Variants in ZSWIM5 observed in about 807,000 individuals in gnomAD.
ZSWIM5 encodes zinc finger SWIM domain-containing protein 5.
In ZSWIM5, 55 loss-of-function variants were observed where a neutral mutation model predicts 119.6. The ratio of observed to expected loss-of-function variants is 0.46; its 90% CI spans 0.37 to 0.58. The LOEUF (loss-of-function observed/expected upper bound fraction) is 0.58. Among genes scored for constraint, ZSWIM5 ranks in the 20% least tolerant of loss-of-function variants. The pLI is 0.00. For synonymous variants in ZSWIM5, 537 were observed against 606.9 expected (o/e 0.88, Z 1.69); for missense variants, 1,193 against 1,512.8 (o/e 0.79, Z 3.51).
intron 1 of ZSWIM5, among the ~76,000 whole-genome samples, chr1:45,199,355 G>A (rs61789777): frequency 0.073 from 10,947 of 150,812 alleles, 488 homozygotes; most frequent in Non-Finnish European, 0.1. Context: ...CTGGAGTGCA[G>A]TGGCACGATC....
At chr1:45,153,404 G>A (rs1207630091) in intron 1 of ZSWIM5, among the ~76,000 whole-genome samples, 1 of 151,712 alleles carries the variant, frequency 6.6e-6, no homozygotes, top group Non-Finnish European at 1.5e-5. Flanking sequence ...TACTCAGGAG[G>A]CTGAGACATG....
intron 1 of ZSWIM5, among the ~76,000 whole-genome samples, chr1:45,140,661 T>A (rs1213862803): frequency 6.6e-6 from 1 of 152,190 alleles, no homozygotes; most frequent in African/African-American, 2.4e-5. Flanking sequence ...CAAGATCTGA[T>A]CATACACTGC....
At chr1:45,064,709 C>T (rs550350207) in intron 2 of ZSWIM5, among the ~76,000 whole-genome samples, 3 of 152,074 alleles carry the variant, frequency 2.0e-5, no homozygotes, top group Admixed American at 6.6e-5. Flanking sequence ...AAATATTTAT[C>T]GAATAAATTC....
chr1:45,158,389 A>G (rs1570161967), intron 1 of ZSWIM5, among the ~76,000 whole-genome samples: 1 of 152,070 alleles, frequency 6.6e-6, no homozygotes, highest in African/African-American at 2.4e-5. Flanking sequence ...GGCTGGTCTC[A>G]AACTCCTGGC....
intron 1 of ZSWIM5, among the ~76,000 whole-genome samples, chr1:45,159,898 T>G (rs1645853171): frequency 6.6e-6 from 1 of 152,180 alleles, no homozygotes; most frequent in South Asian, 2.1e-4. Flanking sequence ...CTCTCAATTG[T>G]TAAACTGACT....
At chr1:45,171,397 C>G (rs1291855811) in intron 1 of ZSWIM5, among the ~76,000 whole-genome samples, 2 of 151,946 alleles carry the variant, frequency 1.3e-5, no homozygotes, top group Non-Finnish European at 2.9e-5. Context: ...TTCTTTGTTA[C>G]AAGGTCAGAA....
chr1:45,193,268 T>A (rs1646102250), intron 1 of ZSWIM5, among the ~76,000 whole-genome samples: 1 of 152,198 alleles, frequency 6.6e-6, no homozygotes, highest in African/African-American at 2.4e-5. Context: ...GCATAAGATT[T>A]CCTTTGAAAG....
At chr1:45,079,694 G>A (rs750732849) in intron 2 of ZSWIM5, among the ~76,000 whole-genome samples, 1 of 152,122 alleles carries the variant, frequency 6.6e-6, no homozygotes, top group Non-Finnish European at 1.5e-5. Context: ...AAGGCATCTT[G>A]CCCCATAGCC....
intron 8 of ZSWIM5, 92 bp from the exon 9 acceptor site, chr1:45,036,391 G>A (rs1217519481): frequency 1.4e-6 from 2 of 1,477,798 alleles, no homozygotes; most frequent in Non-Finnish European, 1.8e-6. Context: ...GTCTTGCTCT[G>A]TTGTCCAGGC....
chr1:45,180,452 C>T (rs1017850223), intron 1 of ZSWIM5, among the ~76,000 whole-genome samples: 2 of 152,146 alleles, frequency 1.3e-5, no homozygotes, highest in African/African-American at 4.8e-5. Context: ...GTGGAGCCCA[C>T]CACAGCTCAA....
chr1:45,126,512 C>T (rs1645622929), intron 1 of ZSWIM5, among the ~76,000 whole-genome samples: 1 of 152,100 alleles, frequency 6.6e-6, no homozygotes, highest in Non-Finnish European at 1.5e-5. Flanking sequence ...TGAAACAGCC[C>T]TAACACTATC....
intron 1 of ZSWIM5, among the ~76,000 whole-genome samples, chr1:45,120,473 ACTT>A (rs142013617): frequency 0.14 from 21,300 of 152,074 alleles, 1,540 homozygotes; most frequent in Non-Finnish European, 0.16. Context: ...CACAGGGGCT[ACTT>A]CTTCTTTCAA....
Position 45,139,611 on chromosome 1 carries a change from A to G in ZSWIM5, c.596-51374T>C, listed in dbSNP as rs113168216. On this transcript the variant is annotated intron_variant, in intron 1 of 13. Coordinates refer to ENST00000359600, the MANE Select transcript of ZSWIM5 (RefSeq NM_020883.2). ...TCCCTCCTGTTTGAGCCTCCTGAGTAGCTGAGACTACAGGTATATGCCACC... is the reference window on the plus strand; with the variant it reads ...TCCCTCCTGTTTGAGCCTCCTGAGTGGCTGAGACTACAGGTATATGCCACC... Among the ~76,000 whole-genome samples, 1,486 of 149,874 alleles carry G rather than the reference A, an allele frequency of 9.9e-3. 31 individuals are homozygous for G. The highest frequency in any genetic ancestry group is 0.035 in the African/African-American group (1,424 of 40,646).
At chr1:45,045,917 A>G (rs1051122481) in intron 5 of ZSWIM5, among the ~76,000 whole-genome samples, 9 of 152,116 alleles carry the variant, frequency 5.9e-5, no homozygotes, top group Non-Finnish European at 1.0e-4. Flanking sequence ...GGTGTTAGGC[A>G]GGGGGTTATT....
At chr1:45,183,911 CA>C (rs1646039711) in intron 1 of ZSWIM5, among the ~76,000 whole-genome samples, 1 of 152,194 alleles carries the variant, frequency 6.6e-6, no homozygotes, top group Non-Finnish European at 1.5e-5. Context: ...AGGCCAGCAT[CA>C]TCCTGATACC....
intron 2 of ZSWIM5, among the ~76,000 whole-genome samples, chr1:45,074,015 C>T (rs954714690): frequency 2.0e-5 from 3 of 151,816 alleles, no homozygotes; most frequent in South Asian, 2.1e-4. Flanking sequence ...CTTTATTCTG[C>T]TGATATGATG....
At chr1:45,130,365 A>AACACACAC (rs3051045) in intron 1 of ZSWIM5, among the ~76,000 whole-genome samples, 4 of 149,658 alleles carry the variant, frequency 2.7e-5, no homozygotes, top group East Asian at 2.0e-4. Context: ...GAACACTTAA[A>AACACACAC]ACACACACAC....
At chr1:45,108,134 T>C (rs181696783) in intron 1 of ZSWIM5, among the ~76,000 whole-genome samples, 5 of 152,256 alleles carry the variant, frequency 3.3e-5, no homozygotes, top group East Asian at 3.9e-4. Context: ...GATTTGAACA[T>C]AGATTGGGAA....
At chr1:45,020,968 C>T (rs1262696209) in intron 11 of ZSWIM5, among the ~76,000 whole-genome samples, 180 bp from the exon 12 acceptor site, 1 of 152,180 alleles carries the variant, frequency 6.6e-6, no homozygotes, top group African/African-American at 2.4e-5. Context: ...CTTCCTTCCC[C>T]AGACCCCCAT....
Sources: gnomAD v4.1 joint callset for allele counts (sites outside exome capture counted in the v4.1 genomes callset) on GRCh38, gnomAD v4.1.1 for gene constraint, MANE v1.5 for transcripts, NCBI Gene and HGNC (gene_info 2026-07-23, HGNC 2026-07-21) for gene names.